The following BSND variants were observed in gnomAD, a reference collection of about 807,000 sequenced individuals.
The protein encoded by BSND is barttin CLCNK type accessory subunit beta.
A neutral mutation model predicts 18.8 loss-of-function variants in BSND; 13 were observed. The ratio of observed to expected loss-of-function variants is 0.69; its 90% CI spans 0.45 to 1.10. The LOEUF (loss-of-function observed/expected upper bound fraction) is 1.10. Among genes scored for constraint, BSND ranks in the 50% least tolerant of loss-of-function variants. BSND has a pLI of 0.00. For synonymous variants in BSND, 170 were observed against 161.8 expected (o/e 1.05, Z -0.39); for missense variants, 379 against 416.7 (o/e 0.91, Z 0.79).
In BSND at chr1:55,013,442, T is replaced by C. The variant is rs1644432649; in HGVS notation, c.*4814T>C. 6.6e-6 allele frequency among the ~76,000 whole-genome samples: 1 copy of C among 152,058 alleles called. No individual in the cohort carries two copies. Among genetic ancestry groups the C allele is most frequent in the African/African-American group, 2.4e-5 (1 of 41,390 alleles). On this transcript the variant is annotated 3_prime_UTR_variant, in exon 4 of 4. Transcript: ENST00000651561. ...CCTCCCAAAGTGCTGGCATTACAGG[T>C]GTGAGTCACTGCACCCAGCTGTCCC...
intron 1 of BSND, among the ~76,000 whole-genome samples, chr1:55,001,309 G>A (rs1037610440): frequency 2.6e-5 from 4 of 151,928 alleles, no homozygotes; most frequent in Admixed American, 2.6e-4. Flanking sequence ...TTAGGATTGA[G>A]GATTGGTATT....
intron 2 of BSND, among the ~76,000 whole-genome samples, chr1:55,006,146 T>G (rs1371508595): frequency 6.6e-6 from 1 of 152,174 alleles, no homozygotes; most frequent in Admixed American, 6.5e-5. Flanking sequence ...TGGCGTTTTC[T>G]GCCCCTGGCA....
In BSND at chr1:55,010,434, A is replaced by G. The variant is rs1399617209; in HGVS notation, c.*1806A>G. On this transcript the variant is annotated 3_prime_UTR_variant, in exon 4 of 4. Coordinates refer to ENST00000651561, the MANE Select transcript of BSND (RefSeq NM_057176.3). ...GCCCAGGATCCTGGCAGCTGCAGAG[A>G]AAATGGCAGTAACACTACCTCAAAC... 6.6e-6 allele frequency: 1 copy of G among 152,288 alleles called. No individual in the cohort carries two copies. The highest frequency in any genetic ancestry group is 1.5e-5 in the Non-Finnish European group (1 of 68,136). The allele number at this position is 152,288 out of a possible 1,614,324, so 9.4% of individuals were successfully genotyped here.
rs2479402 is a variant in BSND at position 55,009,265 on chromosome 1, G to A, written c.*637G>A. Reference sequence around the variant, plus strand: ...GCTCCCTTTTCAGCTTGGCAAATTCGTGCTCACCCTTCAAACCCCTACACA... The same window carrying A: ...GCTCCCTTTTCAGCTTGGCAAATTCATGCTCACCCTTCAAACCCCTACACA... On this transcript the variant is annotated 3_prime_UTR_variant, in exon 4 of 4. Transcript: ENST00000651561. The A allele has an allele frequency of 0.41, 65,283 of 159,888 alleles. 13,845 individuals are homozygous for A. The highest frequency in any genetic ancestry group is 0.48 in the African/African-American group (20,011 of 41,462). 9.9% of individuals were successfully genotyped at this position (159,888 alleles called of 1,614,324 possible).
At chr1:55,006,923 A>G in intron 2 of BSND, 74 bp from the exon 3 acceptor site, 3 of 1,608,688 alleles carry the variant, frequency 1.9e-6, no homozygotes, top group Non-Finnish European at 2.5e-6. Flanking sequence ...TACCCAAAGC[A>G]AACAGGGCCG....
chr1:55,003,261 C>T (rs2101646775), intron 1 of BSND, among the ~76,000 whole-genome samples: 1 of 152,222 alleles, frequency 6.6e-6, no homozygotes, highest in Admixed American at 6.5e-5. Context: ...CAGTCTGTCA[C>T]CTAGGCTGGA....
In BSND at chr1:55,005,117, G is replaced by T. The variant is rs1007109925; in HGVS notation, c.272+1G>T. 4.3e-6 allele frequency: 7 copies of T among 1,614,094 alleles called. No homozygotes were observed. The highest frequency in any genetic ancestry group is 5.9e-6 in the Non-Finnish European group (7 of 1,180,002). ...ATGGGCTTGCTGCCGAGATGAAGAG[G>T]TAGGTGCCAGGCCCTCTCGGGAGGG... On this transcript the variant is annotated splice_donor_variant, in intron 2 of 3. Coordinates refer to ENST00000651561, the MANE Select transcript of BSND (RefSeq NM_057176.3). LOFTEE classifies it high-confidence loss of function.
chr1:55,009,276 T>G lies in BSND; in HGVS notation c.*648T>G. On this transcript the variant is annotated 3_prime_UTR_variant, in exon 4 of 4. Transcript: ENST00000651561. ...AGCTTGGCAAATTCGTGCTCACCCT[T>G]CAAACCCCTACACAGATGACCTCCC... 6.2e-6 allele frequency: 1 copy of G among 161,412 alleles called. No individual in the cohort carries two copies. Among genetic ancestry groups the G allele is most frequent in the African/African-American group, 2.4e-5 (1 of 41,618 alleles). 10.0% of individuals were successfully genotyped at this position (161,412 alleles called of 1,614,324 possible).
In BSND at chr1:55,013,768, C is replaced by T. The variant is rs1226125263; in HGVS notation, c.*5140C>T. On this transcript the variant is annotated 3_prime_UTR_variant, in exon 4 of 4. Coordinates refer to ENST00000651561, the MANE Select transcript of BSND (RefSeq NM_057176.3). Reference sequence around the variant, plus strand: ...ATAAAATTCAGATTCCTCAGGCTGGCATTTGAGGCCCTTCATGATCTGGCC... The same window carrying T: ...ATAAAATTCAGATTCCTCAGGCTGGTATTTGAGGCCCTTCATGATCTGGCC... Among the ~76,000 whole-genome samples the T allele has an allele frequency of 1.3e-5, 2 of 152,270 alleles. No individual in the cohort carries two copies. The highest frequency in any genetic ancestry group is 3.9e-4 in the East Asian group (2 of 5,180).
intron 1 of BSND, among the ~76,000 whole-genome samples, chr1:55,004,160 A>T (rs1325052526): frequency 6.6e-6 from 1 of 152,266 alleles, no homozygotes; most frequent in African/African-American, 2.4e-5. Context: ...AGCATGTGTC[A>T]GAAGTTCCAT....
At chr1:55,008,102 G>A (rs538456748) in intron 3 of BSND, 112 bp from the exon 4 acceptor site, 1 of 846,626 alleles carries the variant, frequency 1.2e-6, no homozygotes, top group African/African-American at 1.7e-5. Context: ...AAGAAACTGA[G>A]GCCCGGGAAG....
intron 1 of BSND, among the ~76,000 whole-genome samples, 192 bp downstream of exon 1, chr1:54,999,555 C>CCATT (rs1226209727): frequency 1.3e-5 from 2 of 150,204 alleles, no homozygotes; most frequent in Non-Finnish European, 2.9e-5. Context: ...ATCCATCCAT[C>CCATT]CATCCCTTAG....
rs955910412 is a variant in BSND, at chr1:55,012,175, C to A, written c.*3547C>A. On this transcript the variant is annotated 3_prime_UTR_variant, in exon 4 of 4. Coordinates refer to ENST00000651561, the MANE Select transcript of BSND (RefSeq NM_057176.3). Reference sequence around the variant, plus strand: ...GGGCTCTGCCGACCGCTCGCCATGACCTTGGGTACATCACAGCCCTCCCTG... The same window carrying A: ...GGGCTCTGCCGACCGCTCGCCATGAACTTGGGTACATCACAGCCCTCCCTG... Among the ~76,000 whole-genome samples, 1 of 152,196 alleles carries A rather than the reference C, an allele frequency of 6.6e-6. No homozygotes were observed. Among genetic ancestry groups the A allele is most frequent in the Non-Finnish European group, 1.5e-5 (1 of 68,018 alleles).
rs1197057948 is a variant in BSND, at chr1:55,017,072, C to G, written c.*8444C>G. On this transcript the variant is annotated 3_prime_UTR_variant, in exon 4 of 4. Coordinates refer to ENST00000651561, the MANE Select transcript of BSND (RefSeq NM_057176.3). ...TCTATCTCCTTCATTGGACGCTAAG[C>G]TCTGTGAAGGCAAGGACTCTATTAC... Among the ~76,000 whole-genome samples, 1 of 152,194 alleles carries G rather than the reference C, an allele frequency of 6.6e-6. No individual in the cohort carries two copies. The highest frequency in any genetic ancestry group is 1.9e-4 in the East Asian group (1 of 5,198).
Position 55,016,330 on chromosome 1 carries a change from T to C in BSND, c.*7702T>C, listed in dbSNP as rs1644451287. Among the ~76,000 whole-genome samples, 2 of 151,986 alleles carry C rather than the reference T, an allele frequency of 1.3e-5. No homozygotes were observed. Among genetic ancestry groups the C allele is most frequent in the Non-Finnish European group, 2.9e-5 (2 of 67,976 alleles). Reference sequence around the variant, plus strand: ...TCTGTGATCCCACAAAAGAAACAAATGAAAACATGGTTAACCTCAGGGGAA... The same window carrying C: ...TCTGTGATCCCACAAAAGAAACAAACGAAAACATGGTTAACCTCAGGGGAA... On this transcript the variant is annotated 3_prime_UTR_variant, in exon 4 of 4. Transcript: ENST00000651561.
rs1037218680 is a variant in BSND, at chr1:55,012,316, A to G, written c.*3688A>G. Among the ~76,000 whole-genome samples, 1 of 152,008 alleles carries G rather than the reference A, an allele frequency of 6.6e-6. No individual in the cohort carries two copies. Among genetic ancestry groups the G allele is most frequent in the Admixed American group, 6.5e-5 (1 of 15,268 alleles). ...AAGACACCGTCACCCCTATTACCCTATCTAGTCCGTGAAACAGCCCTGGGG... is the reference window on the plus strand; with the variant it reads ...AAGACACCGTCACCCCTATTACCCTGTCTAGTCCGTGAAACAGCCCTGGGG... On this transcript the variant is annotated 3_prime_UTR_variant, in exon 4 of 4. Transcript: ENST00000651561.
Position 55,009,019 on chromosome 1 carries a change from T to A in BSND, c.*391T>A, listed in dbSNP as rs972648237. 6.0e-6 allele frequency: 2 copies of A among 335,172 alleles called. No homozygotes were observed. Among genetic ancestry groups the A allele is most frequent in the East Asian group, 8.0e-5 (1 of 12,540 alleles). The allele number at this position is 335,172 out of a possible 1,614,324, so 20.8% of individuals were successfully genotyped here. A position where few individuals can be genotyped will look rare whatever the true frequency, so the allele number is the denominator to read the frequency against. On this transcript the variant is annotated 3_prime_UTR_variant, in exon 4 of 4. Transcript: ENST00000651561. ...CTATTGTGTCTTATAGTCCACTTGG[T>A]AGATGGCGTGATCCGTCTTTACACA...
chr1:54,999,217 T>C lies in BSND; in HGVS notation c.31T>C (p.Phe11Leu). The change falls in exon 1 of 4, where the codon TTC becomes CTC. Residue 11 changes from phenylalanine to leucine, a missense_variant. Transcript: ENST00000651561. MADEKTFRIG[F>L]IVLGLFLLAL... ...TGACGAGAAGACCTTCCGGATCGGC[T>C]TCATTGTGCTGGGGCTTTTCCTGCT... The C allele has an allele frequency of 6.2e-7, 1 of 1,614,118 alleles. No individual in the cohort carries two copies. The highest frequency in any genetic ancestry group is 8.5e-7 in the Non-Finnish European group (1 of 1,180,002).
At chr1:55,005,865 A>G (rs1644389118) in intron 2 of BSND, among the ~76,000 whole-genome samples, 1 of 151,926 alleles carries the variant, frequency 6.6e-6, no homozygotes, top group African/African-American at 2.4e-5. Context: ...CCGGGCCTGC[A>G]CTCAGCAGTG....
Sources: allele counts gnomAD v4.1 joint callset (sites outside exome capture counted in the v4.1 genomes callset), GRCh38; gene constraint gnomAD v4.1.1; transcripts MANE v1.5; gene names NCBI Gene and HGNC (gene_info 2026-07-23, HGNC 2026-07-21).